CNTNAP2: variants seen among roughly 807,000 people sequenced by gnomAD.
The protein encoded by CNTNAP2 is contactin associated protein 2.
Under a neutral mutation model 155.2 loss-of-function variants are expected in CNTNAP2, and 98 were observed. That is an observed-to-expected ratio of 0.63 (90% CI 0.54 to 0.75). The LOEUF is 0.75. Ranked by LOEUF, CNTNAP2 falls within the 30% of genes least tolerant of loss-of-function variation. The pLI is 0.00. For synonymous variants in CNTNAP2, 651 were observed against 631.2 expected, an observed-to-expected ratio of 1.03 and a Z score of -0.47; for missense variants, 1,727 against 1,688.1, an observed-to-expected ratio of 1.02 and a Z score of -0.40.
At chr7:146,254,163 A>ACAC (rs754212213) in intron 1 of CNTNAP2, among the ~76,000 whole-genome samples, 2,684 of 129,148 alleles carry the variant, frequency 0.021, 29 homozygotes, top group Middle Eastern at 0.047. Flanking sequence ...ACACACACAC[A>ACAC]AGCAAACACA....
At position 147,094,376 on chromosome 7, in the gene CNTNAP2, G is replaced by A. The variant is rs991761435; in HGVS notation, c.551-13771G>A. On this transcript the variant is annotated intron_variant, in intron 4 of 23. Coordinates refer to ENST00000361727, the MANE Select transcript of CNTNAP2 (RefSeq NM_014141.6). ...CCCTTAAAGGTCCATTCAGAATAAT[G>A]TAGCCTTTTATTATTATTATTCCTT... 2.0e-5 allele frequency among the ~76,000 whole-genome samples: 3 copies of A among 149,734 alleles called. No homozygotes were observed. In the South Asian group the frequency reaches 6.4e-4, roughly 32 times the overall value.
intron 21 of CNTNAP2, among the ~76,000 whole-genome samples, chr7:148,350,094 G>A (rs555044200): frequency 1.3e-5 from 2 of 152,298 alleles, no homozygotes; most frequent in East Asian, 3.9e-4. Flanking sequence ...CACTGCTGGA[G>A]TTTAGTGGAG....
At chr7:148,338,668 C>G (rs1276378913) in intron 21 of CNTNAP2, among the ~76,000 whole-genome samples, 3 of 152,136 alleles carry the variant, frequency 2.0e-5, no homozygotes, top group Non-Finnish European at 4.4e-5. Flanking sequence ...TCTGCTCTTT[C>G]CTATCACTAC....
At chr7:146,906,950 T>G (rs868836049) in intron 3 of CNTNAP2, among the ~76,000 whole-genome samples, 267 of 147,050 alleles carry the variant, frequency 1.8e-3, no homozygotes, top group African/African-American at 6.2e-3. Context: ...TACAGAGAAG[T>G]GCTTAAAGGA....
chr7:148,340,042 G>C (rs1387308604), intron 21 of CNTNAP2, among the ~76,000 whole-genome samples: 1 of 150,750 alleles, frequency 6.6e-6, no homozygotes, highest in Admixed American at 6.6e-5. Context: ...GGTGTGAACT[G>C]TTAAATGTTA....
intron 1 of CNTNAP2, among the ~76,000 whole-genome samples, chr7:146,375,125 A>G (rs1795287490): frequency 6.6e-6 from 1 of 152,186 alleles, no homozygotes; most frequent in East Asian, 1.9e-4. Context: ...AAGCAATGTC[A>G]TTTCCCTCAT....
chr7:146,775,378 T>G (rs1802372079), intron 2 of CNTNAP2, among the ~76,000 whole-genome samples: 1 of 152,168 alleles, frequency 6.6e-6, no homozygotes, highest in East Asian at 1.9e-4. Flanking sequence ...GTTAATTATT[T>G]CACAATACAT....
chr7:146,577,327 T>G (rs1798540758), intron 1 of CNTNAP2, among the ~76,000 whole-genome samples: 1 of 152,102 alleles, frequency 6.6e-6, no homozygotes, highest in South Asian at 2.1e-4. Flanking sequence ...CTACAGAGAT[T>G]TGCCTACGTT....
intron 10 of CNTNAP2, among the ~76,000 whole-genome samples, chr7:147,469,509 T>TTTTTTTTTTTTTTTTG: frequency 1.7e-5 from 1 of 58,584 alleles, no homozygotes; most frequent in South Asian, 6.2e-4. Flanking sequence ...GGCTGCAATT[T>TTTTTTTTTTTTTTTTG]TTTTTTTTTT....
intron 13 of CNTNAP2, among the ~76,000 whole-genome samples, chr7:147,794,723 T>C (rs1403591920): frequency 6.6e-6 from 1 of 151,776 alleles, no homozygotes; most frequent in Admixed American, 6.6e-5. Context: ...AGCTTGTACT[T>C]TTCTTTATGG....
intron 21 of CNTNAP2, among the ~76,000 whole-genome samples, chr7:148,325,500 T>C (rs1387955428): frequency 6.6e-6 from 1 of 152,228 alleles, no homozygotes; most frequent in Non-Finnish European, 1.5e-5. Flanking sequence ...AAGGAGAATC[T>C]TGTCCATGCA....
intron 1 of CNTNAP2, among the ~76,000 whole-genome samples, chr7:146,499,480 A>G (rs1413981110): frequency 6.6e-6 from 1 of 152,212 alleles, no homozygotes; most frequent in Non-Finnish European, 1.5e-5. Context: ...TAAGTTTTAA[A>G]TTGGAAACTG....
chr7:147,385,497 TA>T (rs1271322120), intron 9 of CNTNAP2, among the ~76,000 whole-genome samples: 1 of 152,124 alleles, frequency 6.6e-6, no homozygotes, highest in African/African-American at 2.4e-5. Flanking sequence ...CTGTTCCAAA[TA>T]AGAGAAATTG....
intron 10 of CNTNAP2, among the ~76,000 whole-genome samples, chr7:147,396,773 G>C (rs4467862): frequency 1.3e-5 from 2 of 151,758 alleles, no homozygotes; most frequent in Admixed American, 6.6e-5. Flanking sequence ...ATATATTGAA[G>C]TCTTTTGAGG....
intron 13 of CNTNAP2, among the ~76,000 whole-genome samples, chr7:147,833,503 G>A (rs539460879): frequency 5.3e-5 from 8 of 152,170 alleles, no homozygotes; most frequent in Non-Finnish European, 1.0e-4. Context: ...GTGACGGAAA[G>A]GAGTCCTGAG....
At chr7:147,158,367 T>G (rs1801964447) in intron 8 of CNTNAP2, among the ~76,000 whole-genome samples, 1 of 152,084 alleles carries the variant, frequency 6.6e-6, no homozygotes, top group African/African-American at 2.4e-5. Flanking sequence ...CTGAAAAAAA[T>G]TAAGTTCAAC....
intron 21 of CNTNAP2, among the ~76,000 whole-genome samples, chr7:148,312,163 A>G (rs1797607359): frequency 6.6e-6 from 1 of 152,226 alleles, no homozygotes; most frequent in Non-Finnish European, 1.5e-5. Flanking sequence ...AGGCTAAAAC[A>G]GTAAGGTCAT....
At position 146,472,366 on chromosome 7, in the gene CNTNAP2, T is replaced by C. The variant is rs141894579; in HGVS notation, c.98-301905T>C. 5.4e-3 allele frequency among the ~76,000 whole-genome samples: 823 copies of C among 152,328 alleles called. 5 individuals carry two copies. In the Middle Eastern group the frequency reaches 0.061, roughly 11 times the overall value. On this transcript the variant is annotated intron_variant, in intron 1 of 23. Coordinates refer to ENST00000361727, the MANE Select transcript of CNTNAP2 (RefSeq NM_014141.6). ...TATTTTAAAGAAAAATCACATCTTT[T>C]CTGCTGTAGAAAATGGCTAAGTAGA... is the stretch of plus-strand genomic sequence containing the variant.
intron 3 of CNTNAP2, among the ~76,000 whole-genome samples, chr7:146,903,617 C>G (rs1353323398): frequency 1.3e-5 from 2 of 152,164 alleles, no homozygotes; most frequent in East Asian, 3.9e-4. Context: ...CTCTCTCTAT[C>G]CTCCTGTTGC....
Sources: allele counts gnomAD v4.1 joint callset (sites outside exome capture counted in the v4.1 genomes callset), GRCh38; gene constraint gnomAD v4.1.1; transcripts MANE v1.5; gene names NCBI Gene and HGNC (gene_info 2026-07-23, HGNC 2026-07-21).